The following ACER3 variants were observed in gnomAD, a reference collection of about 807,000 sequenced individuals.
ACER3 encodes the protein alkCDase 3.
ACER3 carries 16 observed loss-of-function variants against 48.9 expected under a neutral mutation model. That is an observed-to-expected ratio of 0.33 (90% CI 0.22 to 0.50). The LOEUF is 0.50. Among genes scored for constraint, ACER3 ranks in the 20% least tolerant of loss-of-function variants. The probability of loss-of-function intolerance (pLI) is 0.98; values close to 1 mark genes in which losing one functional copy is unlikely to be tolerated. For missense variants in ACER3, 227 were observed against 326.0 expected (o/e 0.70, Z 2.34); for synonymous variants, 109 against 107.8 (o/e 1.01, Z -0.07).
intron 3 of ACER3, among the ~76,000 whole-genome samples, chr11:76,960,304 G>C (rs1315888987): frequency 6.6e-6 from 1 of 151,880 alleles, no homozygotes; most frequent in Admixed American, 6.6e-5. Flanking sequence ...AGCTACCCGG[G>C]AAGCTGAGAC....
At chr11:76,861,570 A>G (rs1944940475) in intron 1 of ACER3, among the ~76,000 whole-genome samples, 1 of 152,046 alleles carries the variant, frequency 6.6e-6, no homozygotes, top group African/African-American at 2.4e-5. Context: ...TTTTCACTGG[A>G]ATATTAGACC....
intron 4 of ACER3, among the ~76,000 whole-genome samples, chr11:76,977,128 C>A (rs890451338): frequency 2.0e-5 from 3 of 152,178 alleles, no homozygotes; most frequent in African/African-American, 7.2e-5. Context: ...GGAAGTAAAG[C>A]ACAGAGAGAT....
Position 76,878,317 on chromosome 11 carries a change from T to C in ACER3, c.103+17238T>C, listed in dbSNP as rs116157669. Among the ~76,000 whole-genome samples, 497 of 152,104 alleles carry C rather than the reference T, an allele frequency of 3.3e-3. 3 individuals are homozygous for C. The highest frequency in any genetic ancestry group is 0.011 in the African/African-American group (464 of 41,554). On this transcript the variant is annotated intron_variant, in intron 1 of 10. Transcript: ENST00000532485. ...CTCAATTACTTTTGCAATGACCTAA[T>C]AGAAATTCTCGAATTTTTTGGTCTC...
intron 2 of ACER3, among the ~76,000 whole-genome samples, chr11:76,945,909 T>A (rs928285173): frequency 6.6e-6 from 1 of 152,172 alleles, no homozygotes; most frequent in Non-Finnish European, 1.5e-5. Context: ...TGATAGGTAT[T>A]GTCCTAGTTA....
intron 4 of ACER3, chr11:76,978,656 TCCCTCTC>T (rs1156634635): frequency 6.5e-6 from 1 of 152,956 alleles, no homozygotes; most frequent in Non-Finnish European, 1.5e-5. Context: ...CTGAAACATA[TCCCTCTC>T]CCCAGCTTGC....
At chr11:76,927,730 A>G (rs1394158375) in intron 2 of ACER3, among the ~76,000 whole-genome samples, 1 of 151,528 alleles carries the variant, frequency 6.6e-6, no homozygotes, top group Non-Finnish European at 1.5e-5. Flanking sequence ...TGGCCTTGCG[A>G]TAGTTTGCTG....
chr11:76,898,195 T>C (rs1193147840), intron 1 of ACER3, among the ~76,000 whole-genome samples: 3 of 152,164 alleles, frequency 2.0e-5, no homozygotes, highest in Non-Finnish European at 4.4e-5. Flanking sequence ...GTCAATACAG[T>C]GCATAAGTTA....
intron 1 of ACER3, among the ~76,000 whole-genome samples, chr11:76,875,543 A>G (rs1028574164): frequency 3.3e-5 from 5 of 152,074 alleles, no homozygotes; most frequent in African/African-American, 1.2e-4. Context: ...TTTTTATCAC[A>G]TACCGATTCA....
At chr11:77,002,003 G>T (rs1949042232) in intron 7 of ACER3, among the ~76,000 whole-genome samples, 1 of 152,132 alleles carries the variant, frequency 6.6e-6, no homozygotes, top group Non-Finnish European at 1.5e-5. Context: ...GAGAGAAGGT[G>T]TTCATTTGGT....
At chr11:76,876,587 G>C (rs557369523) in intron 1 of ACER3, among the ~76,000 whole-genome samples, 1 of 152,252 alleles carries the variant, frequency 6.6e-6, no homozygotes, top group East Asian at 1.9e-4. Context: ...TGGAATAATT[G>C]GGTCATAGAG....
intron 7 of ACER3, among the ~76,000 whole-genome samples, chr11:77,005,985 ATATATATTTT>A (rs1408282392): frequency 1.0e-4 from 4 of 39,278 alleles, no homozygotes; most frequent in African/African-American, 2.2e-4. Flanking sequence ...ATATATATAT[ATATATATTTT>A]TTTTTTTTTT....
chr11:76,926,415 T>C (rs1316901884), intron 1 of ACER3, 142 bp from the exon 2 acceptor site: 1 of 454,950 alleles, frequency 2.2e-6, no homozygotes, highest in East Asian at 3.5e-5. Flanking sequence ...GTACAGAATT[T>C]TTTTTCAGCA....
At chr11:76,887,690 T>G (rs1227135453) in intron 1 of ACER3, among the ~76,000 whole-genome samples, 1 of 152,166 alleles carries the variant, frequency 6.6e-6, no homozygotes, top group Non-Finnish European at 1.5e-5. Context: ...AGGGTACATA[T>G]GAGTTTTTAT....
chr11:76,919,942 T>C (rs1946642594), intron 1 of ACER3, among the ~76,000 whole-genome samples: 1 of 152,200 alleles, frequency 6.6e-6, no homozygotes, highest in Non-Finnish European at 1.5e-5. Flanking sequence ...ACTTCTTAGC[T>C]CTGAGTTCAA....
chr11:77,012,104 T>C (rs1555022277), intron 7 of ACER3, among the ~76,000 whole-genome samples: 1 of 151,760 alleles, frequency 6.6e-6, no homozygotes, highest in African/African-American at 2.4e-5. Context: ...GTATAGAAAA[T>C]ATCACAGGAC....
intron 3 of ACER3, among the ~76,000 whole-genome samples, chr11:76,967,176 A>G (rs933975071): frequency 1.1e-4 from 16 of 152,322 alleles, no homozygotes; most frequent in African/African-American, 1.2e-4. Context: ...AATACTATAA[A>G]CACCTCTATG....
intron 7 of ACER3, among the ~76,000 whole-genome samples, chr11:77,008,763 A>C (rs1279458219): frequency 6.6e-6 from 1 of 152,240 alleles, no homozygotes; most frequent in Non-Finnish European, 1.5e-5. Context: ...TCACAAGAAC[A>C]TAAAATTCCA....
In ACER3 at chr11:76,998,841, T is replaced by G. The variant is rs781875398; in HGVS notation, c.497+20T>G. Reference sequence around the variant, plus strand: ...TACATGGTAAGTAGTTTGGATCATCTGCACCATGACTGAAGTATATTCAGA... The same window carrying G: ...TACATGGTAAGTAGTTTGGATCATCGGCACCATGACTGAAGTATATTCAGA... On this transcript the variant is annotated intron_variant, in intron 7 of 10. Transcript: ENST00000532485. 15 of 1,567,380 alleles carry G rather than the reference T, an allele frequency of 9.6e-6. No homozygotes were observed. In the African/African-American group the frequency reaches 1.8e-4, roughly 19 times the overall value.
At chr11:77,000,611 G>A (rs1330339375) in intron 7 of ACER3, among the ~76,000 whole-genome samples, 5 of 152,160 alleles carry the variant, frequency 3.3e-5, no homozygotes, top group Admixed American at 2.0e-4. Flanking sequence ...ATAGGGTGAG[G>A]TTCTGTTTTT....
Sources: allele counts gnomAD v4.1 joint callset (sites outside exome capture counted in the v4.1 genomes callset), GRCh38; gene constraint gnomAD v4.1.1; transcripts MANE v1.5; gene names NCBI Gene and HGNC (gene_info 2026-07-23, HGNC 2026-07-21).